Variants in MYO3B observed in about 807,000 individuals in gnomAD.
MYO3B encodes myosin IIIB.
Under a neutral mutation model 174.6 loss-of-function variants are expected in MYO3B, and 156 were observed. The ratio of observed to expected loss-of-function variants is 0.89; its 90% CI spans 0.78 to 1.02. The LOEUF is 1.02. Ranked by LOEUF, MYO3B falls within the 50% of genes least tolerant of loss-of-function variation. MYO3B has a pLI of 0.00. For missense variants in MYO3B, 1,632 were observed against 1,639.4 expected, an observed-to-expected ratio of 1.00 and a Z score of 0.08; for synonymous variants, 563 against 569.1, an observed-to-expected ratio of 0.99 and a Z score of 0.15.
At chr2:170,565,439 C>T (rs577834263) in intron 32 of MYO3B, among the ~76,000 whole-genome samples, 18 of 152,288 alleles carry the variant, frequency 1.2e-4, no homozygotes, top group Non-Finnish European at 2.2e-4. Context: ...AACTGCTCAA[C>T]GTGGTACCTA....
chr2:170,569,861 GAAA>G (rs34549360), intron 32 of MYO3B, among the ~76,000 whole-genome samples: 4,799 of 91,416 alleles, frequency 0.052, 173 homozygotes, highest in East Asian at 0.25. Flanking sequence ...GCTCTATCTC[GAAA>G]AAAAAAAAAA....
intron 25 of MYO3B, among the ~76,000 whole-genome samples, chr2:170,489,107 G>A (rs1389519904): frequency 6.6e-6 from 1 of 152,208 alleles, no homozygotes; most frequent in Non-Finnish European, 1.5e-5. Flanking sequence ...TTTGATAAGT[G>A]TAAAGAAGCC....
intron 8 of MYO3B, among the ~76,000 whole-genome samples, chr2:170,366,956 T>C (rs1173095525): frequency 1.3e-5 from 2 of 152,172 alleles, no homozygotes; most frequent in African/African-American, 2.4e-5. Context: ...CTTACTGAAG[T>C]ACCCAAAGGA....
intron 1 of MYO3B, among the ~76,000 whole-genome samples, chr2:170,196,493 G>A (rs1166649365): frequency 1.3e-5 from 2 of 152,200 alleles, no homozygotes; most frequent in Non-Finnish European, 2.9e-5. Context: ...TACAGCCTGG[G>A]TGACAGAGTG....
intron 22 of MYO3B, among the ~76,000 whole-genome samples, chr2:170,409,422 A>C (rs1055164553): frequency 1.3e-5 from 2 of 152,258 alleles, no homozygotes; most frequent in African/African-American, 4.8e-5. Context: ...GATAGAAACA[A>C]AAGTGAAAAA....
Position 170,370,839 on chromosome 2 carries a change from A to C in MYO3B, c.971+1462A>C, listed in dbSNP as rs1028594139. ...TTTCTAAGACTTCATTTGCCAAGCT[A>C]TCTGGATTTTCATATTTGCCTGACT... is the stretch of plus-strand genomic sequence containing the variant. On this transcript the variant is annotated intron_variant, in intron 9 of 34. Coordinates refer to ENST00000408978, the MANE Select transcript of MYO3B (RefSeq NM_138995.5). Among the ~76,000 whole-genome samples, 36 of 152,038 alleles carry C rather than the reference A, an allele frequency of 2.4e-4. 1 individual carries two copies. The highest frequency in any genetic ancestry group is 2.3e-3 in the Admixed American group (35 of 15,282).
intron 8 of MYO3B, among the ~76,000 whole-genome samples, chr2:170,356,087 A>G (rs1172191042): frequency 1.3e-5 from 2 of 151,746 alleles, no homozygotes; most frequent in Non-Finnish European, 2.9e-5. Flanking sequence ...CAGCCTCCCA[A>G]GTAGCTGGGA....
chr2:170,593,152 T>C (rs968219080), intron 32 of MYO3B, among the ~76,000 whole-genome samples: 2 of 152,072 alleles, frequency 1.3e-5, no homozygotes, highest in East Asian at 3.9e-4. Context: ...GGGTGGAGTG[T>C]AGTGGCATGA....
chr2:170,359,150 T>C (rs978781759), intron 8 of MYO3B, among the ~76,000 whole-genome samples: 4 of 152,212 alleles, frequency 2.6e-5, no homozygotes, highest in Non-Finnish European at 4.4e-5. Flanking sequence ...AATCGGCAAC[T>C]TAAAGGCCTT....
chr2:170,535,352 G>A (rs947556003), intron 30 of MYO3B, among the ~76,000 whole-genome samples: 2 of 152,122 alleles, frequency 1.3e-5, no homozygotes, highest in Non-Finnish European at 2.9e-5. Flanking sequence ...CCTTCAGTGT[G>A]GTACGAGTGT....
intron 32 of MYO3B, among the ~76,000 whole-genome samples, chr2:170,558,403 C>T (rs984254020): frequency 6.6e-6 from 1 of 151,952 alleles, no homozygotes; most frequent in Non-Finnish European, 1.5e-5. Context: ...CAGTCCTTGC[C>T]AGTGCCACAG....
chr2:170,391,429 G>C (rs1574902994), intron 14 of MYO3B, 91 bp from the exon 15 acceptor site: 2 of 599,870 alleles, frequency 3.3e-6, no homozygotes, highest in East Asian at 3.2e-5. Flanking sequence ...ATTTGCCATG[G>C]AATAATCTTT....
chr2:170,570,909 G>C (rs1335371340), intron 32 of MYO3B, among the ~76,000 whole-genome samples: 1 of 152,042 alleles, frequency 6.6e-6, no homozygotes, highest in Non-Finnish European at 1.5e-5. Context: ...GTGGTGCTAG[G>C]AATGTAGATG....
chr2:170,572,233 GC>G (rs1692482372), intron 32 of MYO3B, among the ~76,000 whole-genome samples: 1 of 152,100 alleles, frequency 6.6e-6, no homozygotes, highest in African/African-American at 2.4e-5. Context: ...TTCGAGACCA[GC>G]CTGACCAACA....
At chr2:170,413,624 C>T (rs79518700) in intron 22 of MYO3B, among the ~76,000 whole-genome samples, 1,906 of 151,384 alleles carry the variant, frequency 0.013, 51 homozygotes, top group African/African-American at 0.043. Context: ...TTAATACTTT[C>T]ACATTCTAGA....
chr2:170,538,073 A>G (rs1689845098), intron 30 of MYO3B, among the ~76,000 whole-genome samples: 1 of 152,248 alleles, frequency 6.6e-6, no homozygotes, highest in East Asian at 1.9e-4. Flanking sequence ...TAAAATTTAG[A>G]AAATGGAGAA....
intron 6 of MYO3B, among the ~76,000 whole-genome samples, chr2:170,235,712 T>C (rs2093062255): frequency 6.6e-6 from 1 of 152,250 alleles, no homozygotes; most frequent in African/African-American, 2.4e-5. Context: ...TGGTGTGGTA[T>C]ACATCCGCTT....
At chr2:170,420,060 G>A (rs1250464056) in intron 22 of MYO3B, among the ~76,000 whole-genome samples, 1 of 152,090 alleles carries the variant, frequency 6.6e-6, no homozygotes, top group African/African-American at 2.4e-5. Context: ...ATGCATGCCT[G>A]TAGTCCCAGC....
intron 16 of MYO3B, among the ~76,000 whole-genome samples, 160 bp from the exon 17 acceptor site, chr2:170,400,028 G>A (rs192195235): frequency 2.6e-5 from 4 of 152,186 alleles, no homozygotes; most frequent in Admixed American, 2.0e-4. Context: ...GTTATATGAC[G>A]ACCTCTAACT....
Sources: gnomAD v4.1 joint callset for allele counts (sites outside exome capture counted in the v4.1 genomes callset) on GRCh38, gnomAD v4.1.1 for gene constraint, MANE v1.5 for transcripts, NCBI Gene and HGNC (gene_info 2026-07-23, HGNC 2026-07-21) for gene names.